The following TBC1D13 variants were observed in gnomAD, a reference collection of about 807,000 sequenced individuals.
TBC1D13 encodes TBC1 domain family member 13.
A neutral mutation model predicts 53.6 loss-of-function variants in TBC1D13; 40 were observed. That is an observed-to-expected ratio of 0.75 (90% CI 0.58 to 0.97). The LOEUF (loss-of-function observed/expected upper bound fraction) is 0.97. Ranked by LOEUF, TBC1D13 falls within the 50% of genes least tolerant of loss-of-function variation. TBC1D13 has a pLI of 0.00. For missense variants in TBC1D13, 377 were observed against 499.4 expected (o/e 0.75, Z 2.34); for synonymous variants, 182 against 197.7 (o/e 0.92, Z 0.67).
intron 6 of TBC1D13, among the ~76,000 whole-genome samples, chr9:128,793,868 A>C (rs1041869650): frequency 6.6e-6 from 1 of 152,232 alleles, no homozygotes; most frequent in African/African-American, 2.4e-5. Context: ...CTTCTCAAGG[A>C]ATGGCCGAGT....
In TBC1D13 at chr9:128,808,816, C is replaced by G. The variant is rs1014365862; in HGVS notation, c.*937C>G. 1 of 152,218 alleles carries G rather than the reference C, an allele frequency of 6.6e-6. No individual in the cohort carries two copies. The highest frequency in any genetic ancestry group is 1.5e-5 in the Non-Finnish European group (1 of 68,106). 9.4% of individuals were successfully genotyped at this position (152,218 alleles called of 1,614,324 possible). A position where few individuals can be genotyped will look rare whatever the true frequency, so the allele number is the denominator to read the frequency against. On this transcript the variant is annotated 3_prime_UTR_variant, in exon 12 of 12. Transcript: ENST00000372648. Reference sequence around the variant, plus strand: ...TCACTTAGAGGGTTCTGAACCCGTTCCCTACACAGAAATCTTGGAAACCAA... The same window carrying G: ...TCACTTAGAGGGTTCTGAACCCGTTGCCTACACAGAAATCTTGGAAACCAA...
At chr9:128,804,720 GTTTTTTTTTTTTTT>G (rs1170366996) in intron 9 of TBC1D13, among the ~76,000 whole-genome samples, 8 of 56,390 alleles carry the variant, frequency 1.4e-4, no homozygotes, top group African/African-American at 6.6e-4. Flanking sequence ...TTTTTTTTCT[GTTTTTTTTTTTTTT>G]TTTTTTTTTT....
chr9:128,803,131 G>A, intron 7 of TBC1D13, 119 bp from the exon 8 acceptor site: 1 of 840,796 alleles, frequency 1.2e-6, no homozygotes, highest in Non-Finnish European at 1.9e-6. Flanking sequence ...ACGGCTCACT[G>A]CAGCCTCGAC....
chr9:128,806,339 C>G, intron 11 of TBC1D13, 28 bp downstream of exon 11: 1 of 1,613,654 alleles, frequency 6.2e-7, no homozygotes, highest in Non-Finnish European at 8.5e-7. Flanking sequence ...CAGGCTCAGC[C>G]ACTGCCATGA....
chr9:128,806,120 C>G, intron 10 of TBC1D13, 101 bp downstream of exon 10: 10 of 1,584,230 alleles, frequency 6.3e-6, no homozygotes, highest in Non-Finnish European at 8.6e-6. Flanking sequence ...GCTGCTCTTT[C>G]ATGGCTGGAG....
rs1269861630 is a variant in TBC1D13, at chr9:128,808,080, G to A, written c.*201G>A. 3.4e-6 allele frequency: 2 copies of A among 583,536 alleles called. No homozygotes were observed. Among genetic ancestry groups the A allele is most frequent in the African/African-American group, 3.7e-5 (2 of 53,652 alleles). The allele number at this position is 583,536 out of a possible 1,614,324, so 36.1% of individuals were successfully genotyped here. Reference sequence around the variant, plus strand: ...CAGCTCCCCACCTGCCCTGCACTCTGCCCTCTTTGCCCAGGATACTGAGGA... The same window carrying A: ...CAGCTCCCCACCTGCCCTGCACTCTACCCTCTTTGCCCAGGATACTGAGGA... On this transcript the variant is annotated 3_prime_UTR_variant, in exon 12 of 12. Coordinates refer to ENST00000372648, the MANE Select transcript of TBC1D13 (RefSeq NM_018201.5).
At chr9:128,794,446 G>GT (rs1829589662) in intron 6 of TBC1D13, among the ~76,000 whole-genome samples, 1 of 152,150 alleles carries the variant, frequency 6.6e-6, no homozygotes, top group East Asian at 1.9e-4. Flanking sequence ...AATAGGTTCT[G>GT]TTTTTTTGTT....
rs66465933 is a variant in TBC1D13, at chr9:128,808,456, T to TGTGTGTGTGTGTGTG, written c.*577_*578insGTGTGTGTGTGTGTG. ...GTGTGTGTGTGTGTGTGTGTGTGTG[T>TGTGTGTGTGTGTGTG]TAGGGAGTGAGGGTCTCTCAGGCCT... On this transcript the variant is annotated 3_prime_UTR_variant, in exon 12 of 12. Transcript: ENST00000372648. The TGTGTGTGTGTGTGTG allele has an allele frequency of 6.1e-5, 10 of 164,132 alleles. No homozygotes were observed. Among genetic ancestry groups the TGTGTGTGTGTGTGTG allele is most frequent in the South Asian group, 1.6e-4 (1 of 6,298 alleles). 10.2% of individuals were successfully genotyped at this position (164,132 alleles called of 1,614,324 possible). A position where few individuals can be genotyped will look rare whatever the true frequency, so the allele number is the denominator to read the frequency against.
Position 128,809,609 on chromosome 9 carries a change from G to GTAT in TBC1D13, c.*1732_*1734dup. ...ACTATTTATTCAGACTCCTGGCTAT[G>GTAT]TATTGCACATTGGCAAGTGCTCTGG... On this transcript the variant is annotated 3_prime_UTR_variant, in exon 12 of 12. Coordinates refer to ENST00000372648, the MANE Select transcript of TBC1D13 (RefSeq NM_018201.5). 6.6e-6 allele frequency: 1 copy of GTAT among 152,382 alleles called. No homozygotes were observed. Among genetic ancestry groups the GTAT allele is most frequent in the Middle Eastern group, 3.4e-3 (1 of 294 alleles). 9.4% of individuals were successfully genotyped at this position (152,382 alleles called of 1,614,324 possible). A position where few individuals can be genotyped will look rare whatever the true frequency, so the allele number is the denominator to read the frequency against.
intron 5 of TBC1D13, 134 bp from the exon 6 acceptor site, chr9:128,792,358 C>G (rs1829548735): frequency 1.5e-6 from 1 of 688,108 alleles, no homozygotes; most frequent in African/African-American, 1.8e-5. Flanking sequence ...GAGTATCTTG[C>G]AGGTGGTGTC....
At chr9:128,805,819 C>A in intron 9 of TBC1D13, 40 bp from the exon 10 acceptor site, 1 of 1,600,136 alleles carries the variant, frequency 6.2e-7, no homozygotes, top group Non-Finnish European at 8.5e-7. Flanking sequence ...CGGCAGCCAA[C>A]ACAGAGTCAT....
rs942927339 is a variant in TBC1D13 at position 128,793,144 on chromosome 9, G to A, written c.383+570G>A. Among the ~76,000 whole-genome samples the A allele has an allele frequency of 4.6e-5, 7 of 152,220 alleles. No individual in the cohort carries two copies. The South Asian group carries it at 1.0e-3, about 22-fold the overall frequency. ...TGGGCAGGGAACTGCCCTTGGCAAGGTCCAGAGAGCCCGCAGAGCTTGGCA... is the reference window on the plus strand; with the variant it reads ...TGGGCAGGGAACTGCCCTTGGCAAGATCCAGAGAGCCCGCAGAGCTTGGCA... On this transcript the variant is annotated intron_variant, in intron 6 of 11. Transcript: ENST00000372648.
rs562060342 is a variant in TBC1D13 at position 128,790,758 on chromosome 9, C to T, written c.121C>T (p.Arg41Trp). The change falls in exon 3 of 12, where the codon CGG becomes TGG. Residue 41 changes from arginine to tryptophan, a missense_variant. Coordinates refer to ENST00000372648, the MANE Select transcript of TBC1D13 (RefSeq NM_018201.5). ...FSGIPCEGGL[R>W]CLCWKILLNY... ...AGGCATCCCCTGTGAGGGCGGACTGCGGTGCCTCTGCTGGAAGGTGGGTGT... is the reference window on the plus strand; with the variant it reads ...AGGCATCCCCTGTGAGGGCGGACTGTGGTGCCTCTGCTGGAAGGTGGGTGT... 9 of 1,553,238 alleles carry T rather than the reference C, an allele frequency of 5.8e-6. No individual in the cohort carries two copies. Among genetic ancestry groups the T allele is most frequent in the African/African-American group, 1.4e-5 (1 of 70,218 alleles).
At chr9:128,787,840 G>T (rs1336331513) in intron 1 of TBC1D13, among the ~76,000 whole-genome samples, 1 of 152,102 alleles carries the variant, frequency 6.6e-6, no homozygotes, top group Non-Finnish European at 1.5e-5. Context: ...CCTTCAGGAC[G>T]TGTTTTTTAA....
At chr9:128,807,221 G>T (rs994721023) in intron 11 of TBC1D13, among the ~76,000 whole-genome samples, 2 of 151,742 alleles carry the variant, frequency 1.3e-5, no homozygotes, top group African/African-American at 2.4e-5. Context: ...CGAGTAGCTG[G>T]GATTACAGGT....
At chr9:128,788,703 G>T (rs1829474977) in intron 2 of TBC1D13, among the ~76,000 whole-genome samples, 1 of 87,298 alleles carries the variant, frequency 1.1e-5, no homozygotes, top group South Asian at 4.5e-4. Context: ...GGACAGGACT[G>T]AAGCCTGGAG....
At chr9:128,801,767 GT>G (rs61640466) in intron 7 of TBC1D13, among the ~76,000 whole-genome samples, 19 of 140,656 alleles carry the variant, frequency 1.4e-4, no homozygotes, top group East Asian at 2.1e-4. Context: ...TTTGTTTTTT[GT>G]TTTTTTTTTT....
chr9:128,802,264 G>A (rs1829750160), intron 7 of TBC1D13, among the ~76,000 whole-genome samples: 1 of 151,806 alleles, frequency 6.6e-6, no homozygotes, highest in African/African-American at 2.4e-5. Context: ...CTCCATGTTG[G>A]TCAGGCTGGT....
In TBC1D13 at chr9:128,809,704, A is replaced by G. The variant is rs1472193745; in HGVS notation, c.*1825A>G. On this transcript the variant is annotated 3_prime_UTR_variant, in exon 12 of 12. Coordinates refer to ENST00000372648, the MANE Select transcript of TBC1D13 (RefSeq NM_018201.5). ...GATCCTCTTCATTTTCCAAGATCAA[A>G]GTCAGCCTCTTCTCCCCATGCTTCT... is the stretch of plus-strand genomic sequence containing the variant. The G allele has an allele frequency of 6.6e-6, 1 of 152,264 alleles. No individual in the cohort carries two copies. The highest frequency in any genetic ancestry group is 1.5e-5 in the Non-Finnish European group (1 of 68,076). 9.4% of individuals were successfully genotyped at this position (152,264 alleles called of 1,614,324 possible).
Sources: allele counts gnomAD v4.1 joint callset (sites outside exome capture counted in the v4.1 genomes callset), GRCh38; gene constraint gnomAD v4.1.1; transcripts MANE v1.5; gene names NCBI Gene and HGNC (gene_info 2026-07-23, HGNC 2026-07-21).